The following CCDC33 variants were observed in gnomAD, a reference collection of about 807,000 sequenced individuals.
The protein encoded by CCDC33 is coiled-coil domain-containing protein 33.
CCDC33 carries 94 observed loss-of-function variants against 91.9 expected under a neutral mutation model. That is an observed-to-expected ratio of 1.02 (90% CI 0.87 to 1.21). CCDC33 has a LOEUF of 1.21. CCDC33 is among the 50% of genes most tolerant of loss of function. The probability of loss-of-function intolerance (pLI) is 0.00; values close to 1 mark genes in which losing one functional copy is unlikely to be tolerated. For synonymous variants in CCDC33, 396 were observed against 374.5 expected (o/e 1.06, Z -0.66); for missense variants, 940 against 935.5 (o/e 1.00, Z -0.06).
At chr15:74,236,762 A>C (rs759276905) in intron 1 of CCDC33, 22 bp downstream of exon 1, 16 of 1,612,670 alleles carry the variant, frequency 9.9e-6, no homozygotes, top group Non-Finnish European at 1.3e-5. Context: ...GGCATGGGCC[A>C]TGCACCTGCA....
rs2277604 is a variant in CCDC33, at chr15:74,330,208, G to T, written c.1310G>T (p.Arg437Leu). ...SHDTEMNNYR[R>L]AMQKMAEDIL... ...CCACAGGAGATGAACAACTACCGGC[G>T]GGCCATGCAGAAGATGGCAGAGGAC... The change falls in exon 12 of 19, where the codon CGG becomes CTG. Residue 437 changes from arginine to leucine, a missense_variant. By Grantham distance (102) the Arg-to-Leu change is moderately radical. Transcript: ENST00000398814. 57,021 of 1,607,958 alleles carry T rather than the reference G, an allele frequency of 0.035. 1,243 individuals are homozygous for T. The highest frequency in any genetic ancestry group is 0.1 in the Middle Eastern group (612 of 5,916).
intron 6 of CCDC33, 116 bp downstream of exon 6, chr15:74,271,910 C>A: frequency 1.3e-6 from 1 of 790,208 alleles, no homozygotes; most frequent in Non-Finnish European, 2.1e-6. Context: ...CCCCTCTACC[C>A]CTAAGGCCCT....
chr15:74,256,406 C>T (rs996489184), intron 2 of CCDC33, among the ~76,000 whole-genome samples: 5 of 138,702 alleles, frequency 3.6e-5, no homozygotes, highest in African/African-American at 1.5e-4. Flanking sequence ...TGCCCTAAGG[C>T]TGCGTACGGG....
rs141617578 is a variant in CCDC33, at chr15:74,272,355, C to T, written c.639-416C>T. On this transcript the variant is annotated intron_variant, in intron 6 of 18. Transcript: ENST00000398814. ...ACAACTCATCCCCTCCTCCCCTAGA[C>T]CTCCTTTTGAGTCTGTTGGAGTCAC... is the stretch of plus-strand genomic sequence containing the variant. 5.8e-3 allele frequency among the ~76,000 whole-genome samples: 880 copies of T among 152,350 alleles called. 8 individuals carry two copies. The highest frequency in any genetic ancestry group is 0.021 in the African/African-American group (853 of 41,574).
intron 2 of CCDC33, among the ~76,000 whole-genome samples, chr15:74,261,972 C>G (rs144527454): frequency 8.2e-4 from 125 of 152,284 alleles, no homozygotes; most frequent in South Asian, 1.2e-3. Flanking sequence ...GCCTGGAAAT[C>G]TGGGCCAGAA....
At chr15:74,243,952 A>G (rs1263859042) in intron 1 of CCDC33, 33 bp from the exon 2 acceptor site, 2 of 1,562,590 alleles carry the variant, frequency 1.3e-6, no homozygotes, top group Non-Finnish European at 1.7e-6. Context: ...CTCAAAAAAA[A>G]AAAAAAACAC....
intron 2 of CCDC33, among the ~76,000 whole-genome samples, chr15:74,252,989 C>T (rs1468551514): frequency 6.6e-6 from 1 of 152,172 alleles, no homozygotes; most frequent in Non-Finnish European, 1.5e-5. Flanking sequence ...AGGATTCTTT[C>T]CAGATGTTCT....
chr15:74,242,715 A>G, intron 1 of CCDC33, among the ~76,000 whole-genome samples: 1 of 152,148 alleles, frequency 6.6e-6, no homozygotes, highest in East Asian at 1.9e-4. Context: ...CCAGCCGGCC[A>G]GTGGAGGACC....
chr15:74,329,843 C>A (rs1246405419), intron 11 of CCDC33, among the ~76,000 whole-genome samples: 1 of 152,186 alleles, frequency 6.6e-6, no homozygotes, highest in African/African-American at 2.4e-5. Context: ...TAGCTATGAT[C>A]GAGCCAGACC....
Position 74,262,401 on chromosome 15 carries a change from AC to A in CCDC33, c.186-35del, listed in dbSNP as rs1339020303. On this transcript the variant is annotated intron_variant, in intron 2 of 18. Transcript: ENST00000398814. ...GGGATGGGGACAAGCAGCAGACAGA[AC>A]CCCTCCCTTTGACTCACCCTGCCCC... The A allele has an allele frequency of 2.5e-6, 4 of 1,611,206 alleles. No individual in the cohort carries two copies. The African/African-American group carries it at 5.3e-5, about 22-fold the overall frequency.
intron 2 of CCDC33, among the ~76,000 whole-genome samples, chr15:74,229,709 A>C (rs1057323364): frequency 6.6e-6 from 1 of 152,252 alleles, no homozygotes; most frequent in African/African-American, 2.4e-5. Flanking sequence ...GGGAGCAGGC[A>C]TCACTGTCCC....
intron 8 of CCDC33, 152 bp from the exon 9 acceptor site, chr15:74,280,516 G>T: frequency 1.2e-6 from 1 of 845,132 alleles, no homozygotes; most frequent in Non-Finnish European, 1.7e-6. Context: ...AGTTCACAAA[G>T]CCCTGAAGAT....
rs572005061 is a variant in CCDC33 at position 74,331,223 on chromosome 15, G to C, written c.1698G>C (p.Arg566=). 6.2e-7 allele frequency: 1 copy of C among 1,614,168 alleles called. No homozygotes were observed. The highest frequency in any genetic ancestry group is 8.5e-7 in the Non-Finnish European group (1 of 1,180,014). The change falls in exon 15 of 19, where the codon CGG becomes CGC. Residue 566 remains arginine, a synonymous_variant. Transcript: ENST00000398814. ...HQEKVIEKME[R]VLEDRLQDRS... is the part of the protein sequence containing the mutation. ...TCCAGGTGATCGAGAAGATGGAGCG[G>C]GTGCTGGAGGACAGGCTGCAGGACA...
chr15:74,203,309 G>A (rs942728809), intron 1 of CCDC33: 9 of 656,108 alleles, frequency 1.4e-5, no homozygotes, highest in Non-Finnish European at 1.7e-5. Flanking sequence ...GTAGGCAAGA[G>A]GAGCCCCGCC....
At chr15:74,336,287 G>C (rs2060566260), downstream of CCDC33, 3 of 1,415,948 alleles carry the variant, frequency 2.1e-6, no homozygotes, top group Non-Finnish European at 2.8e-6. Flanking sequence ...AAAGCCAAGG[G>C]CCACAGTGGA....
chr15:74,324,322 C>T (rs532716671), intron 11 of CCDC33, among the ~76,000 whole-genome samples: 3 of 152,130 alleles, frequency 2.0e-5, no homozygotes, highest in East Asian at 3.9e-4. Context: ...TGAAGTATCC[C>T]GCTGTATGGG....
intron 11 of CCDC33, among the ~76,000 whole-genome samples, chr15:74,325,102 T>A (rs2060284518): frequency 6.6e-6 from 1 of 151,910 alleles, no homozygotes; most frequent in East Asian, 1.9e-4. Context: ...TCCTCCTTGG[T>A]CTGCCTCCAC....
intron 2 of CCDC33, among the ~76,000 whole-genome samples, chr15:74,228,451 G>A (rs747255676): frequency 3.3e-5 from 5 of 152,234 alleles, no homozygotes; most frequent in Non-Finnish European, 2.9e-5. Flanking sequence ...CGAGTGAATG[G>A]CAGCTTGCCA....
chr15:74,268,496 T>A, intron 5 of CCDC33, 38 bp downstream of exon 5: 1 of 1,214,850 alleles, frequency 8.2e-7, no homozygotes, highest in Non-Finnish European at 1.2e-6. Context: ...GTGGTGGGGG[T>A]GGGAAAGGGC....
Sources: allele counts gnomAD v4.1 joint callset (sites outside exome capture counted in the v4.1 genomes callset), GRCh38; gene constraint gnomAD v4.1.1; transcripts MANE v1.5; gene names NCBI Gene and HGNC (gene_info 2026-07-23, HGNC 2026-07-21).